SLC9A1: variants seen among roughly 807,000 people sequenced by gnomAD.
SLC9A1 encodes the protein solute carrier family 9 member A1, also known as sodium/hydrogen exchanger 1.
Under a neutral mutation model 67.9 loss-of-function variants are expected in SLC9A1, and 22 were observed. The observed-to-expected ratio is 0.32, with a 90% confidence interval of 0.23 to 0.46. The LOEUF (loss-of-function observed/expected upper bound fraction) is 0.46. SLC9A1 is among the 20% of genes least tolerant of loss of function. The pLI is 1.00. For missense variants in SLC9A1, 686 were observed against 1,094.8 expected, an observed-to-expected ratio of 0.63 and a Z score of 5.27; for synonymous variants, 421 against 471.8, an observed-to-expected ratio of 0.89 and a Z score of 1.40.
At position 27,116,750 on chromosome 1, in the gene SLC9A1, C is replaced by T. The variant is rs536010285; in HGVS notation, c.353-2464G>A. Among the ~76,000 whole-genome samples the T allele has an allele frequency of 2.6e-5, 4 of 152,334 alleles. No individual in the cohort carries two copies. In the East Asian group the frequency reaches 7.7e-4, roughly 29 times the overall value. On this transcript the variant is annotated intron_variant, in intron 1 of 11. Coordinates refer to ENST00000263980, the MANE Select transcript of SLC9A1 (RefSeq NM_003047.5). ...CTCTTGCTGTAGAGGATAAAGCCCA[C>T]ATTTTCAGCACTGCCTCTGTCATCT...
chr1:27,132,028 A>G (rs1241889437), intron 1 of SLC9A1, among the ~76,000 whole-genome samples: 1 of 149,628 alleles, frequency 6.7e-6, no homozygotes, highest in East Asian at 1.9e-4. Context: ...CAACTATTCA[A>G]AGAGGTAGGT....
At position 27,101,280 on chromosome 1, in the gene SLC9A1, CAG is replaced by C. The variant is rs1557735755; in HGVS notation, c.2038-7_2038-6del. On this transcript the variant is annotated splice_polypyrimidine_tract_variant and splice_region_variant and intron_variant, in intron 10 of 11. Coordinates refer to ENST00000263980, the MANE Select transcript of SLC9A1 (RefSeq NM_003047.5). The surrounding 1 kb of genome is among the most constrained non-coding windows in gnomAD (Gnocchi z 4.9). ...CACCGTCAGGTAGTTGTTGATCTGA[CAG>C]AGAGGACAGACGGGGTGAGCACAGG... The C allele has an allele frequency of 9.3e-6, 15 of 1,611,324 alleles. No homozygotes were observed. The highest frequency in any genetic ancestry group is 5.3e-5 in the African/African-American group (4 of 75,022).
At chr1:27,115,248 G>C (rs2083256847) in intron 1 of SLC9A1, among the ~76,000 whole-genome samples, 1 of 152,060 alleles carries the variant, frequency 6.6e-6, no homozygotes, top group Non-Finnish European at 1.5e-5. Flanking sequence ...ATCTCCCCAG[G>C]CCGTGTCCTG....
At chr1:27,121,336 C>T (rs532537666) in intron 1 of SLC9A1, among the ~76,000 whole-genome samples, 5 of 152,258 alleles carry the variant, frequency 3.3e-5, no homozygotes, top group African/African-American at 7.2e-5. Context: ...AAGAGAAGAC[C>T]GTGCAAGGAG....
rs1275565654 is a variant in SLC9A1, at chr1:27,144,365, C to T, written c.352+9618G>A. On this transcript the variant is annotated intron_variant, in intron 1 of 11. Transcript: ENST00000263980. Reference sequence around the variant, plus strand: ...GCAGACCAAACAGATCCAGATCTTCCCAGAGAGACCCCACCCGGCCCAGAG... The same window carrying T: ...GCAGACCAAACAGATCCAGATCTTCTCAGAGAGACCCCACCCGGCCCAGAG... Among the ~76,000 whole-genome samples, 5 of 152,160 alleles carry T rather than the reference C, an allele frequency of 3.3e-5. 1 individual carries two copies.
chr1:27,103,908 G>A (rs548786129), intron 5 of SLC9A1: 1 of 152,906 alleles, frequency 6.5e-6, no homozygotes, highest in East Asian at 1.9e-4. Flanking sequence ...GTAAAGCCAT[G>A]ATTTAAACCC....
At chr1:27,102,311 A>C (rs1184953117) in intron 8 of SLC9A1, 74 bp downstream of exon 8, 2 of 1,497,592 alleles carry the variant, frequency 1.3e-6, no homozygotes, top group African/African-American at 1.4e-5. Context: ...CCCGCCCCCC[A>C]GGTGGCCACC....
At chr1:27,120,021 A>G (rs112365170) in intron 1 of SLC9A1, among the ~76,000 whole-genome samples, 4,044 of 152,132 alleles carry the variant, frequency 0.027, 183 homozygotes, top group African/African-American at 0.09. Flanking sequence ...GCAGTGAGCC[A>G]AGATTGCACC....
In SLC9A1 at chr1:27,154,119, G is replaced by A; in HGVS notation, c.216C>T (p.Arg72=). Residue 72 remains arginine (R), a synonymous_variant, in exon 1 of 12, where the codon CGC becomes CGT. Transcript: ENST00000263980. Reference sequence around the variant, plus strand: ...GATCAGTGACGGAATGATTAACAGGGCGGCTCTCTGGGGTGACCTCCGGTG... The same window carrying A: ...GATCAGTGACGGAATGATTAACAGGACGGCTCTCTGGGGTGACCTCCGGTG... The part of the protein sequence containing the change: ...TAPPEVTPES[R]PVNHSVTDHG... The A allele has an allele frequency of 6.2e-7, 1 of 1,614,142 alleles. No homozygotes were observed. The highest frequency in any genetic ancestry group is 8.5e-7 in the Non-Finnish European group (1 of 1,180,008).
At chr1:27,126,014 T>C (rs540846343) in intron 1 of SLC9A1, among the ~76,000 whole-genome samples, 157 of 152,294 alleles carry the variant, frequency 1.0e-3, no homozygotes, top group African/African-American at 3.4e-3. Flanking sequence ...GCCTCCTTGC[T>C]TTTCCTTGAG....
rs1442750519 is a variant in SLC9A1 at position 27,138,280 on chromosome 1, G to A, written c.352+15703C>T. Among the ~76,000 whole-genome samples, 3 of 152,210 alleles carry A rather than the reference G, an allele frequency of 2.0e-5. No individual in the cohort carries two copies. In the East Asian group the frequency reaches 5.8e-4, roughly 29 times the overall value. ...CCCTCAGGGGCCCTGGTCTTTGGAA[G>A]ATGAGCTCTTCTTGTCCTTTGGGTC... On this transcript the variant is annotated intron_variant, in intron 1 of 11. Transcript: ENST00000263980.
At chr1:27,131,009 T>C (rs972368268) in intron 1 of SLC9A1, among the ~76,000 whole-genome samples, 2 of 152,204 alleles carry the variant, frequency 1.3e-5, no homozygotes, top group Non-Finnish European at 2.9e-5. Context: ...AAGGAAGCCT[T>C]TGTCAGTGCC....
At chr1:27,105,775 G>T in intron 5 of SLC9A1, 110 bp downstream of exon 5, 1 of 935,408 alleles carries the variant, frequency 1.1e-6, no homozygotes, top group Non-Finnish European at 1.7e-6. Context: ...CAAGTTAGTG[G>T]TGGAGCTGGG....
At chr1:27,112,513 C>A (rs2083235333) in intron 2 of SLC9A1, among the ~76,000 whole-genome samples, 1 of 152,146 alleles carries the variant, frequency 6.6e-6, no homozygotes, top group Non-Finnish European at 1.5e-5. Context: ...GGAGGAAGGG[C>A]ATGTGCAGGT....
At chr1:27,107,381 C>T (rs749784367) in intron 4 of SLC9A1, among the ~76,000 whole-genome samples, 1 of 149,638 alleles carries the variant, frequency 6.7e-6, no homozygotes, top group Non-Finnish European at 1.5e-5. Context: ...ACACCCCCAA[C>T]CCCTCCACAC....
intron 1 of SLC9A1, among the ~76,000 whole-genome samples, chr1:27,134,206 T>G (rs546619251): frequency 1.7e-4 from 26 of 152,196 alleles, no homozygotes; most frequent in African/African-American, 3.6e-4. Context: ...AGAGGAACAG[T>G]GCAGACTCCT....
Position 27,154,955 on chromosome 1 carries a change from C to G in SLC9A1, c.-621G>C, listed in dbSNP as rs1214243493. ...TGGAAAGAGGCGGAAGGCAGGCGGC[C>G]TGGCGGGAAGGCGCCTCGGCGCGGG... On this transcript the variant is annotated 5_prime_UTR_variant, in exon 1 of 12. Coordinates refer to ENST00000263980, the MANE Select transcript of SLC9A1 (RefSeq NM_003047.5). 3.3e-5 allele frequency: 5 copies of G among 152,266 alleles called. No homozygotes were observed. The highest frequency in any genetic ancestry group is 7.3e-5 in the Non-Finnish European group (5 of 68,118). 9.4% of individuals were successfully genotyped at this position (152,266 alleles called of 1,614,324 possible).
chr1:27,104,239 G>C (rs573471475), intron 5 of SLC9A1, among the ~76,000 whole-genome samples: 5 of 151,862 alleles, frequency 3.3e-5, no homozygotes, highest in Non-Finnish European at 4.4e-5. Flanking sequence ...CTGCCACCAC[G>C]CCCAGCTAAT....
chr1:27,128,887 G>A (rs1008965982), intron 1 of SLC9A1, among the ~76,000 whole-genome samples: 1 of 151,848 alleles, frequency 6.6e-6, no homozygotes, highest in African/African-American at 2.4e-5. Flanking sequence ...AACCCAGGAG[G>A]TGGAGGTTGC....
Sources: allele counts gnomAD v4.1 joint callset (sites outside exome capture counted in the v4.1 genomes callset), GRCh38; gene constraint gnomAD v4.1.1; non-coding constraint Gnocchi (gnomAD v3.1); transcripts MANE v1.5; gene names NCBI Gene and HGNC (gene_info 2026-07-23, HGNC 2026-07-21).